The following IQGAP2 variants were observed in gnomAD, a reference collection of about 807,000 sequenced individuals.
IQGAP2 encodes ras GTPase-activating-like protein IQGAP2.
IQGAP2 carries 173 observed loss-of-function variants against 201.3 expected under a neutral mutation model. That is an observed-to-expected ratio of 0.86 (90% CI 0.76 to 0.98). The LOEUF (loss-of-function observed/expected upper bound fraction) is 0.98, where lower values mean the gene tolerates loss of function less well. Ranked by LOEUF, IQGAP2 falls within the 50% of genes least tolerant of loss-of-function variation. IQGAP2 has a pLI of 0.00. For missense variants in IQGAP2, 1,687 were observed against 1,864.8 expected (o/e 0.90, Z 1.76); for synonymous variants, 675 against 673.9 (o/e 1.00, Z -0.03).
intron 2 of IQGAP2, among the ~76,000 whole-genome samples, chr5:76,510,059 G>C (rs899037969): frequency 1.3e-5 from 2 of 149,262 alleles, no homozygotes; most frequent in African/African-American, 5.0e-5. Flanking sequence ...GAGTACAGCA[G>C]CTCAATCTCA....
chr5:76,502,699 G>T (rs1051888768), intron 2 of IQGAP2, among the ~76,000 whole-genome samples: 7 of 152,160 alleles, frequency 4.6e-5, no homozygotes, highest in African/African-American at 1.7e-4. Flanking sequence ...CATGTCTAAA[G>T]TGTAAAACAA....
chr5:76,646,767 G>A (rs896734434), intron 17 of IQGAP2, among the ~76,000 whole-genome samples: 11 of 151,982 alleles, frequency 7.2e-5, no homozygotes, highest in East Asian at 3.8e-4. Context: ...TTACAGTTCA[G>A]GCATTAATCT....
chr5:76,464,553 G>A (rs59683513), intron 2 of IQGAP2, among the ~76,000 whole-genome samples: 1,649 of 152,176 alleles, frequency 0.011, 30 homozygotes, highest in African/African-American at 0.037. Flanking sequence ...TATTGGTTCT[G>A]TCTTTGCACC....
chr5:76,574,081 C>T (rs1384492108), intron 4 of IQGAP2, among the ~76,000 whole-genome samples: 2 of 152,152 alleles, frequency 1.3e-5, no homozygotes, highest in African/African-American at 2.4e-5. Context: ...CAGCTTTTCT[C>T]AGTGACCAAT....
At position 76,438,273 on chromosome 5, in the gene IQGAP2, T is replaced by C. The variant is rs546979209; in HGVS notation, c.47-23297T>C. On this transcript the variant is annotated intron_variant, in intron 1 of 35. Transcript: ENST00000274364. ...TTGATTCAATCTCAGTTCTTGTTAT[T>C]GGTCTTTTCAGGATTTCTGTCTCTT... Among the ~76,000 whole-genome samples, 3 of 152,190 alleles carry C rather than the reference T, an allele frequency of 2.0e-5. 1 individual carries two copies. The South Asian group carries it at 6.2e-4, about 32-fold the overall frequency.
chr5:76,645,558 G>A (rs556161820), intron 17 of IQGAP2, among the ~76,000 whole-genome samples: 2 of 152,260 alleles, frequency 1.3e-5, no homozygotes, highest in East Asian at 3.9e-4. Flanking sequence ...GGCGTGAGAT[G>A]GTATCTCATT....
chr5:76,462,603 C>CAAAG (rs1754525694), intron 2 of IQGAP2, among the ~76,000 whole-genome samples: 1 of 152,094 alleles, frequency 6.6e-6, no homozygotes, highest in South Asian at 2.1e-4. Flanking sequence ...GTTCCCTGGA[C>CAAAG]AAAGATATGT....
Position 76,403,536 on chromosome 5 carries a change from G to T in IQGAP2, c.-10G>T, listed in dbSNP as rs754869588. The T allele has an allele frequency of 1.3e-5, 19 of 1,504,718 alleles. No homozygotes were observed. The highest frequency in any genetic ancestry group is 1.6e-5 in the Non-Finnish European group (18 of 1,133,692). The allele number at this position is 1,504,718 out of a possible 1,614,324, so 93.2% of individuals were successfully genotyped here. ...GGCGCGCCCCGGGCGGGCCCCCGGA[G>T]ACGCGCAGGATGCCACACGAAGAGC... On this transcript the variant is annotated 5_prime_UTR_variant, in exon 1 of 36. Transcript: ENST00000274364. The surrounding 1 kb of genome is among the most constrained non-coding windows in gnomAD (Gnocchi z 4.8).
intron 2 of IQGAP2, among the ~76,000 whole-genome samples, chr5:76,500,767 T>G (rs1225822427): frequency 6.6e-6 from 1 of 152,212 alleles, no homozygotes; most frequent in African/African-American, 2.4e-5. Context: ...TTTAGGTTGC[T>G]TTCTTATCTT....
At position 76,415,784 on chromosome 5, in the gene IQGAP2, A is replaced by G. The variant is rs550748701; in HGVS notation, c.46+12193A>G. ...TAGTGAAACCCTGTCTCTATTAAAA[A>G]TACAAAAAATATTAGCTGGGTATGG... On this transcript the variant is annotated intron_variant, in intron 1 of 35. Transcript: ENST00000274364. 8.4e-4 allele frequency among the ~76,000 whole-genome samples: 128 copies of G among 152,306 alleles called. 1 individual carries two copies. The highest frequency in any genetic ancestry group is 1.6e-3 in the Non-Finnish European group (108 of 68,028).
At chr5:76,551,636 C>T (rs935726366) in intron 2 of IQGAP2, among the ~76,000 whole-genome samples, 2 of 137,810 alleles carry the variant, frequency 1.5e-5, no homozygotes, top group Admixed American at 1.5e-4. Context: ...GCAGATCACT[C>T]GCGGTCCAGA....
At chr5:76,668,640 T>C in intron 22 of IQGAP2, 41 bp from the exon 23 acceptor site, 2 of 1,519,044 alleles carry the variant, frequency 1.3e-6, no homozygotes, top group Non-Finnish European at 1.8e-6. Context: ...CTTATTGTTT[T>C]GTGGGATTTT....
At chr5:76,585,750 G>T (rs1746203812) in intron 5 of IQGAP2, among the ~76,000 whole-genome samples, 1 of 152,044 alleles carries the variant, frequency 6.6e-6, no homozygotes. Flanking sequence ...TCAACCTCAG[G>T]TGATTTGCCT....
At chr5:76,669,665 G>A (rs1253769902) in intron 23 of IQGAP2, among the ~76,000 whole-genome samples, 1 of 152,156 alleles carries the variant, frequency 6.6e-6, no homozygotes, top group East Asian at 1.9e-4. Flanking sequence ...AGGCACAATG[G>A]TGGTGGAAAC....
At chr5:76,460,246 G>C (rs1271343211) in intron 1 of IQGAP2, among the ~76,000 whole-genome samples, 1 of 152,176 alleles carries the variant, frequency 6.6e-6, no homozygotes, top group Non-Finnish European at 1.5e-5. Context: ...TGCCTGAGAT[G>C]ATGTGAAAGG....
chr5:76,492,771 C>G (rs1296221707), intron 2 of IQGAP2, among the ~76,000 whole-genome samples: 1 of 152,152 alleles, frequency 6.6e-6, no homozygotes, highest in African/African-American at 2.4e-5. Context: ...AAGACACAGT[C>G]CGCTCTTCAC....
chr5:76,703,369 T>C (rs1747589884), intron 35 of IQGAP2, among the ~76,000 whole-genome samples: 1 of 152,130 alleles, frequency 6.6e-6, no homozygotes, highest in African/African-American at 2.4e-5. Flanking sequence ...TTGCCCAGGC[T>C]TGTCTTAGAC....
intron 1 of IQGAP2, among the ~76,000 whole-genome samples, chr5:76,454,163 G>A (rs1349424894): frequency 2.6e-5 from 4 of 152,056 alleles, no homozygotes; most frequent in Non-Finnish European, 4.4e-5. Context: ...TCCAAATTAA[G>A]CAGGGTTCTA....
chr5:76,703,473 G>A (rs191743332), intron 35 of IQGAP2, among the ~76,000 whole-genome samples: 12 of 152,006 alleles, frequency 7.9e-5, no homozygotes, highest in African/African-American at 2.7e-4. Context: ...TAGTTTTTAC[G>A]TCAATTTATT....
Sources: gnomAD v4.1 joint callset for allele counts (sites outside exome capture counted in the v4.1 genomes callset) on GRCh38, gnomAD v4.1.1 for gene constraint, Gnocchi (gnomAD v3.1) non-coding constraint, MANE v1.5 for transcripts, NCBI Gene and HGNC (gene_info 2026-07-23, HGNC 2026-07-21) for gene names.